Variants in CDH18 observed in about 807,000 individuals in gnomAD.
CDH18 encodes cadherin-18.
Under a neutral mutation model 67.9 loss-of-function variants are expected in CDH18, and 31 were observed. The ratio of observed to expected loss-of-function variants is 0.46; its 90% CI spans 0.34 to 0.62. The LOEUF is 0.62. Among genes scored for constraint, CDH18 ranks in the 20% least tolerant of loss-of-function variants. The pLI is 0.01. For missense variants in CDH18, 890 were observed against 975.5 expected (o/e 0.91, Z 1.17); for synonymous variants, 362 against 347.2 (o/e 1.04, Z -0.48).
upstream of CDH18, among the ~76,000 whole-genome samples, chr5:19,992,968 C>T (rs964898173): frequency 2.0e-5 from 3 of 152,094 alleles, no homozygotes; most frequent in African/African-American, 7.2e-5. Flanking sequence ...GTCAAAAGTG[C>T]TTACTCAAGG....
At chr5:20,007,278 T>C (rs779337759) in intron 2 of CDH18, among the ~76,000 whole-genome samples, 1 of 151,946 alleles carries the variant, frequency 6.6e-6, no homozygotes, top group Non-Finnish European at 1.5e-5. Context: ...TTCAATTGAT[T>C]ATAGAGACTC....
chr5:20,300,512 C>T (rs1247366940), intron 1 of CDH18, among the ~76,000 whole-genome samples: 1 of 152,006 alleles, frequency 6.6e-6, no homozygotes, highest in East Asian at 1.9e-4. Context: ...GTTAGAATTG[C>T]TTTCAAGATA....
intron 3 of CDH18, among the ~76,000 whole-genome samples, chr5:19,822,031 C>A (rs77399890): frequency 0.01 from 1,558 of 152,166 alleles, 24 homozygotes; most frequent in African/African-American, 0.035. Context: ...TAGTGACAGA[C>A]CCTTAAAAGT....
At chr5:20,251,442 TTCA>T (rs1446169327) in intron 2 of CDH18, among the ~76,000 whole-genome samples, 2 of 152,224 alleles carry the variant, frequency 1.3e-5, no homozygotes, top group African/African-American at 4.8e-5. Context: ...TACAAAATCT[TTCA>T]TAATATGCTT....
At chr5:19,537,708 T>C (rs957139381) in intron 9 of CDH18, among the ~76,000 whole-genome samples, 1 of 152,176 alleles carries the variant, frequency 6.6e-6, no homozygotes, top group East Asian at 1.9e-4. Flanking sequence ...AAATCCTCTT[T>C]CTGCAGTAAT....
intron 2 of CDH18, among the ~76,000 whole-genome samples, chr5:20,064,821 T>C (rs1439934615): frequency 1.3e-5 from 2 of 152,098 alleles, no homozygotes; most frequent in African/African-American, 2.4e-5. Flanking sequence ...TGTGAAACAA[T>C]TGAGATAATG....
rs58319680 is a variant in CDH18, at chr5:19,962,395, A to AAAAAAAAAAAAT, written c.-257+18664_-257+18665insATTTTTTTTTTT. Reference sequence around the variant, plus strand: ...TCAAAAAGCAAAAAAAAAAAAAAAAAAGAAAATTCAATTCCTTTAAGAATA... The same window carrying AAAAAAAAAAAAT: ...TCAAAAAGCAAAAAAAAAAAAAAAAAAAAAAAAAAAATAGAAAATTCAATTCCTTTAAGAATA... On this transcript the variant is annotated intron_variant, in intron 2 of 12. Transcript: ENST00000382275. 2.7e-3 allele frequency among the ~76,000 whole-genome samples: 313 copies of AAAAAAAAAAAAT among 116,978 alleles called. 6 individuals are homozygous for AAAAAAAAAAAAT. Among genetic ancestry groups the AAAAAAAAAAAAT allele is most frequent in the African/African-American group, 6.9e-3 (219 of 31,672 alleles). 76.7% of individuals were successfully genotyped at this position (116,978 alleles called of 152,430 possible). A position where few individuals can be genotyped will look rare whatever the true frequency, so the allele number is the denominator to read the frequency against.
intron 2 of CDH18, among the ~76,000 whole-genome samples, chr5:20,024,560 G>A (rs1738720291): frequency 6.6e-6 from 1 of 152,192 alleles, no homozygotes; most frequent in South Asian, 2.1e-4. Flanking sequence ...AGAATTTACA[G>A]ATTTGTGTAA....
At chr5:20,016,160 G>A (rs879899086) in intron 2 of CDH18, among the ~76,000 whole-genome samples, 3 of 151,976 alleles carry the variant, frequency 2.0e-5, no homozygotes, top group Non-Finnish European at 4.4e-5. Flanking sequence ...TGTCTTTTGG[G>A]GGAACATGGA....
intron 1 of CDH18, among the ~76,000 whole-genome samples, chr5:20,496,251 G>A (rs1211352926): frequency 6.6e-6 from 1 of 152,074 alleles, no homozygotes; most frequent in African/African-American, 2.4e-5. Flanking sequence ...TACTAGGAAA[G>A]GGGAAACAAT....
At chr5:19,503,709 T>C (rs537038754) in intron 10 of CDH18, among the ~76,000 whole-genome samples, 4 of 152,218 alleles carry the variant, frequency 2.6e-5, no homozygotes, top group African/African-American at 9.6e-5. Flanking sequence ...TCCTCTCTAG[T>C]GCTCAGGAGA....
rs182747919 is a variant in CDH18 at position 19,693,335 on chromosome 5, T to C, written c.643+28012A>G. Reference sequence around the variant, plus strand: ...CATTTAAAACAATAACATTAGAAATTATGTGAAAGAATTAAATCAACTTAT... The same window carrying C: ...CATTTAAAACAATAACATTAGAAATCATGTGAAAGAATTAAATCAACTTAT... On this transcript the variant is annotated intron_variant, in intron 5 of 12. Coordinates refer to ENST00000382275, the MANE Select transcript of CDH18 (RefSeq NM_004934.5). Among the ~76,000 whole-genome samples the C allele has an allele frequency of 3.4e-3, 512 of 152,314 alleles. 2 individuals carry two copies. The highest frequency in any genetic ancestry group is 0.012 in the African/African-American group (494 of 41,576).
At chr5:19,513,643 T>TA (rs1165612185) in intron 10 of CDH18, among the ~76,000 whole-genome samples, 1 of 152,140 alleles carries the variant, frequency 6.6e-6, no homozygotes, top group Non-Finnish European at 1.5e-5. Flanking sequence ...GAATAATGCT[T>TA]AGGCTTTTAA....
At chr5:20,030,937 A>T (rs898655983) in intron 2 of CDH18, among the ~76,000 whole-genome samples, 1 of 152,162 alleles carries the variant, frequency 6.6e-6, no homozygotes, top group African/African-American at 2.4e-5. Context: ...CAGTGGGAAT[A>T]ATTGACTATT....
Position 19,619,581 on chromosome 5 carries a change from G to C in CDH18, c.644-6980C>G, listed in dbSNP as rs1750379592. On this transcript the variant is annotated intron_variant, in intron 5 of 12. Transcript: ENST00000382275. ...TTTAGCTTCAGTGGAAAGTGTTAGT[G>C]AGACAATGGCAGAGATTAGGTACTC... is the stretch of plus-strand genomic sequence containing the variant. Among the ~76,000 whole-genome samples, 4 of 152,272 alleles carry C rather than the reference G, an allele frequency of 2.6e-5. No homozygotes were observed. The South Asian group carries it at 8.3e-4, about 32-fold the overall frequency.
intron 3 of CDH18, among the ~76,000 whole-genome samples, chr5:19,811,534 A>G (rs572223398): frequency 1.3e-5 from 2 of 149,866 alleles, no homozygotes; most frequent in Admixed American, 1.3e-4. Flanking sequence ...AAACCGTGAG[A>G]CAATAATAAT....
chr5:20,475,884 A>G (rs571291918), intron 1 of CDH18, among the ~76,000 whole-genome samples: 1 of 152,296 alleles, frequency 6.6e-6, no homozygotes, highest in East Asian at 1.9e-4. Flanking sequence ...AAAGGTTTGG[A>G]TTGCTGAAGA....
At chr5:19,919,742 T>A (rs971473522) in intron 2 of CDH18, among the ~76,000 whole-genome samples, 2 of 152,210 alleles carry the variant, frequency 1.3e-5, no homozygotes, top group Admixed American at 1.3e-4. Flanking sequence ...GAATATGTGA[T>A]GAAATTTCAA....
chr5:20,490,357 G>GA (rs1481526014), intron 1 of CDH18, among the ~76,000 whole-genome samples: 1 of 151,942 alleles, frequency 6.6e-6, no homozygotes, highest in African/African-American at 2.4e-5. Flanking sequence ...CAACTTTCTA[G>GA]ATAATAGAAT....
Sources: gnomAD v4.1 joint callset for allele counts (sites outside exome capture counted in the v4.1 genomes callset) on GRCh38, gnomAD v4.1.1 for gene constraint, MANE v1.5 for transcripts, NCBI Gene and HGNC (gene_info 2026-07-23, HGNC 2026-07-21) for gene names.